The following ZP3 variants were observed in gnomAD, a reference collection of about 807,000 sequenced individuals.
ZP3 encodes the protein zona pellucida glycoprotein 3.
In ZP3, 21 loss-of-function variants were observed where a neutral mutation model predicts 35.6. The ratio of observed to expected loss-of-function variants is 0.59; its 90% CI spans 0.42 to 0.85. The LOEUF (loss-of-function observed/expected upper bound fraction) is 0.85. Ranked by LOEUF, ZP3 falls within the 40% of genes least tolerant of loss-of-function variation. The probability of loss-of-function intolerance (pLI) is 0.00; values close to 1 mark genes in which losing one functional copy is unlikely to be tolerated. For synonymous variants in ZP3, 207 were observed against 214.5 expected (o/e 0.96, Z 0.31); for missense variants, 437 against 536.5 (o/e 0.81, Z 1.83).
chr7:76,439,321 G>A (rs1282920102), intron 5 of ZP3, among the ~76,000 whole-genome samples: 8 of 152,380 alleles, frequency 5.3e-5, no homozygotes, highest in African/African-American at 9.6e-5. Context: ...AGGTGGCAGC[G>A]TCAGAAGCCC....
At chr7:76,412,270 T>C (rs942520588) in intron 1 of ZP3, among the ~76,000 whole-genome samples, 1 of 151,802 alleles carries the variant, frequency 6.6e-6, no homozygotes, top group Non-Finnish European at 1.5e-5. Context: ...CCCAAGGGCA[T>C]TATAATGAGT....
intron 1 of ZP3, among the ~76,000 whole-genome samples, chr7:76,412,962 C>CTTTTTTTTTTTTTT (rs201143080): frequency 1.1e-4 from 13 of 113,758 alleles, no homozygotes; most frequent in Non-Finnish European, 1.9e-4. Context: ...TCTTCTTCTT[C>CTTTTTTTTTTTTTT]TTCTTTTTTT....
intron 5 of ZP3, among the ~76,000 whole-genome samples, chr7:76,438,538 G>GGAAAAAAAAA (rs1554626485): frequency 0.014 from 1,214 of 88,374 alleles, 12 homozygotes; most frequent in African/African-American, 0.063. Context: ...CTCCGTCTCA[G>GGAAAAAAAAA]AAAAAAAAAA....
At chr7:76,423,067 G>GAAAGAAACAAACAAAGAAAGAAAC (rs1554624528), upstream of ZP3, among the ~76,000 whole-genome samples, 10 of 143,492 alleles carry the variant, frequency 7.0e-5, no homozygotes, top group South Asian at 1.8e-3. Context: ...AAGAAAGAAA[G>GAAAGAAACAAACAAAGAAAGAAAC]AAAGAAAGAA....
rs1187251390 is a variant in ZP3 at position 76,418,578 on chromosome 7, T to C, written c.-66-6474T>C. Among the ~76,000 whole-genome samples, 6 of 93,768 alleles carry C rather than the reference T, an allele frequency of 6.4e-5. No homozygotes were observed. In the East Asian group the frequency reaches 9.9e-4, roughly 15 times the overall value. 61.5% of individuals were successfully genotyped at this position (93,768 alleles called of 152,430 possible). ...AAAAAAAAAAAAAAAAAAAAAAGGC[T>C]GGGCACAGTGGCTCACACCTATAAT... On this transcript the variant is annotated intron_variant, in intron 1 of 8. Coordinates refer to the ZP3 transcript ENST00000336517.
exon 1 of ZP3, chr7:76,397,684 CGCCCCGCA>C: frequency 6.2e-7 from 1 of 1,613,336 alleles, no homozygotes; most frequent in East Asian, 2.2e-5. Flanking sequence ...CGGCCATGGC[CGCCCCGCA>C]GCCCAGCTGA....
chr7:76,440,002 C>G (rs1331403184), intron 5 of ZP3: 3 of 445,656 alleles, frequency 6.7e-6, no homozygotes, highest in Non-Finnish European at 1.2e-5. Context: ...TACCCACCAC[C>G]ACGCCCAGCT....
chr7:76,425,510 C>T (rs1009892724), intron 1 of ZP3, among the ~76,000 whole-genome samples: 19 of 152,136 alleles, frequency 1.2e-4, no homozygotes, highest in Admixed American at 6.6e-5. Context: ...TGGCCGTGCA[C>T]TTCAGGCTGG....
intron 1 of ZP3, among the ~76,000 whole-genome samples, chr7:76,408,963 A>G (rs1267794523): frequency 6.6e-6 from 1 of 152,084 alleles, no homozygotes; most frequent in Non-Finnish European, 1.5e-5. Flanking sequence ...CACTGTTCTC[A>G]TCTGTAAAAT....
upstream of ZP3, among the ~76,000 whole-genome samples, chr7:76,421,941 G>A (rs1805513139): frequency 6.6e-6 from 1 of 151,916 alleles, no homozygotes; most frequent in Non-Finnish European, 1.5e-5. Context: ...CTGTTACCCA[G>A]GCTGGAGTAC....
intron 1 of ZP3, among the ~76,000 whole-genome samples, chr7:76,425,826 C>T (rs1452721926): frequency 6.6e-6 from 1 of 151,964 alleles, no homozygotes; most frequent in Non-Finnish European, 1.5e-5. Context: ...CTAACTGGGG[C>T]CTGGTGTGGT....
In ZP3 at chr7:76,433,453, C is replaced by A. The variant is rs3762031; in HGVS notation, c.536-17C>A. 0.038 allele frequency: 61,466 copies of A among 1,606,268 alleles called. 2,473 individuals carry two copies. The highest frequency in any genetic ancestry group is 0.18 in the African/African-American group (13,657 of 74,828). On this transcript the variant is annotated splice_polypyrimidine_tract_variant and intron_variant, in intron 3 of 7. Transcript: ENST00000394857. ...TACAGGCATGAGCCACCATGCCCAG[C>A]TGACTGTGTCTTTCAGAGAACTGGA...
intron 1 of ZP3, among the ~76,000 whole-genome samples, chr7:76,410,011 G>A (rs1270485129): frequency 6.6e-6 from 1 of 152,060 alleles, no homozygotes; most frequent in African/African-American, 2.4e-5. Context: ...GGGGGCTGCT[G>A]ATTTTGCCTT....
chr7:76,441,230 G>C (rs1430847428), intron 7 of ZP3, among the ~76,000 whole-genome samples: 2 of 151,386 alleles, frequency 1.3e-5, no homozygotes, highest in Admixed American at 1.3e-4. Context: ...CTAGCACTTG[G>C]GGAGGCTGAG....
chr7:76,435,706 C>T (rs1218244483), intron 5 of ZP3, among the ~76,000 whole-genome samples: 1 of 151,650 alleles, frequency 6.6e-6, no homozygotes, highest in Non-Finnish European at 1.5e-5. Flanking sequence ...CTTCAGTGTG[C>T]ACACCATCTA....
chr7:76,440,683 G>A, intron 7 of ZP3, 72 bp downstream of exon 7: 1 of 1,539,268 alleles, frequency 6.5e-7, no homozygotes, highest in Non-Finnish European at 8.8e-7. Context: ...GTCATTTCAG[G>A]GTGATGGTAT....
At chr7:76,440,133 C>G (rs1214937641) in intron 5 of ZP3, 117 bp from the exon 6 acceptor site, 1 of 1,479,646 alleles carries the variant, frequency 6.8e-7, no homozygotes, top group Non-Finnish European at 9.1e-7. Context: ...AGGTGTGTGC[C>G]AATGCACCCG....
intron 5 of ZP3, among the ~76,000 whole-genome samples, chr7:76,437,469 T>C (rs907606011): frequency 3.0e-5 from 4 of 133,164 alleles, no homozygotes; most frequent in South Asian, 2.3e-4. Context: ...CACACTCCCC[T>C]CTTTTTTTTT....
intron 5 of ZP3, among the ~76,000 whole-genome samples, chr7:76,435,137 G>A (rs956822109): frequency 2.0e-5 from 3 of 151,668 alleles, no homozygotes; most frequent in Admixed American, 1.3e-4. Flanking sequence ...ACGAGGTCAG[G>A]AGATTGAGAC....
Sources: gnomAD v4.1 joint callset for allele counts (sites outside exome capture counted in the v4.1 genomes callset) on GRCh38, gnomAD v4.1.1 for gene constraint, MANE v1.5 for transcripts, NCBI Gene and HGNC (gene_info 2026-07-23, HGNC 2026-07-21) for gene names.